Variants in CLNK observed in about 807,000 individuals in gnomAD.
CLNK encodes the protein cytokine dependent hematopoietic cell linker.
Under a neutral mutation model 68.6 loss-of-function variants are expected in CLNK, and 74 were observed. The ratio of observed to expected loss-of-function variants is 1.08; its 90% CI spans 0.89 to 1.31. The LOEUF is 1.31. Among genes scored for constraint, CLNK ranks in the 50% most tolerant of loss-of-function variants. The pLI, the probability that CLNK is intolerant of heterozygous loss-of-function variation, is 0.00. For missense variants in CLNK, 553 were observed against 515.3 expected, an observed-to-expected ratio of 1.07 and a Z score of -0.71; for synonymous variants, 198 against 172.2, an observed-to-expected ratio of 1.15 and a Z score of -1.17.
intron 2 of CLNK, among the ~76,000 whole-genome samples, chr4:10,659,531 T>C (rs1724111976): frequency 6.6e-6 from 1 of 152,246 alleles, no homozygotes; most frequent in South Asian, 2.1e-4. Flanking sequence ...CTCCCCAGTA[T>C]GGGAGACAGA....
At chr4:10,614,037 C>A (rs188761172) in intron 2 of CLNK, among the ~76,000 whole-genome samples, 1 of 152,200 alleles carries the variant, frequency 6.6e-6, no homozygotes, top group African/African-American at 2.4e-5. Context: ...AGAGCAACAT[C>A]GGACTCATAG....
At chr4:10,510,534 G>A (rs1035823166) in intron 16 of CLNK, among the ~76,000 whole-genome samples, 5 of 152,186 alleles carry the variant, frequency 3.3e-5, no homozygotes, top group Admixed American at 2.0e-4. Context: ...CTCTGCCAGG[G>A]CACTGTTAAC....
intron 14 of CLNK, among the ~76,000 whole-genome samples, chr4:10,521,464 G>T (rs1161663694): frequency 6.6e-6 from 1 of 152,102 alleles, no homozygotes; most frequent in Non-Finnish European, 1.5e-5. Flanking sequence ...TTGTATTGTG[G>T]TCAGTATCAT....
chr4:10,636,199 A>C (rs1202444684), intron 2 of CLNK, among the ~76,000 whole-genome samples: 3 of 152,230 alleles, frequency 2.0e-5, no homozygotes, highest in African/African-American at 7.2e-5. Flanking sequence ...GGGTCTTTGC[A>C]GAAGTAATTA....
chr4:10,693,903 T>C, the CLNK span, among the ~76,000 whole-genome samples: 9 of 152,144 alleles, frequency 5.9e-5, no homozygotes, highest in African/African-American at 2.2e-4. Flanking sequence ...AGATCGCAGT[T>C]TGAAACCATT....
rs143378640 is a variant in CLNK at position 10,567,279 on chromosome 4, C to T, written c.151-1129G>A. On this transcript the variant is annotated intron_variant, in intron 5 of 18. Transcript: ENST00000226951. ...ATATAATTGAGGGTCCAGAAATAAACCTTCACACTGAGGGTTAATTGATTT... is the reference window on the plus strand; with the variant it reads ...ATATAATTGAGGGTCCAGAAATAAATCTTCACACTGAGGGTTAATTGATTT... 6.2e-3 allele frequency among the ~76,000 whole-genome samples: 946 copies of T among 152,108 alleles called. 12 individuals are homozygous for T. Among genetic ancestry groups the T allele is most frequent in the African/African-American group, 0.022 (917 of 41,502 alleles).
At chr4:10,608,274 C>T (rs1167373467) in intron 2 of CLNK, among the ~76,000 whole-genome samples, 4 of 152,224 alleles carry the variant, frequency 2.6e-5, no homozygotes, top group Non-Finnish European at 5.9e-5. Flanking sequence ...GAACTTCCTG[C>T]TCAGCTGAAA....
intron 2 of CLNK, among the ~76,000 whole-genome samples, chr4:10,622,933 A>G (rs1407788062): frequency 6.6e-6 from 1 of 152,028 alleles, no homozygotes; most frequent in Non-Finnish European, 1.5e-5. Flanking sequence ...ATCCCTTACA[A>G]GGACACTAAT....
At chr4:10,614,092 G>A (rs977032157) in intron 2 of CLNK, among the ~76,000 whole-genome samples, 1 of 152,190 alleles carries the variant, frequency 6.6e-6, no homozygotes, top group African/African-American at 2.4e-5. Flanking sequence ...CTGTAATATA[G>A]GAATTTAGAT....
At chr4:10,673,324 C>T (rs1724732480) in intron 1 of CLNK, among the ~76,000 whole-genome samples, 1 of 152,150 alleles carries the variant, frequency 6.6e-6, no homozygotes, top group African/African-American at 2.4e-5. Context: ...GGTTCTTACC[C>T]AGCTTCACCA....
At chr4:10,565,273 T>C (rs946287476) in intron 6 of CLNK, among the ~76,000 whole-genome samples, 1 of 152,238 alleles carries the variant, frequency 6.6e-6, no homozygotes, top group African/African-American at 2.4e-5. Flanking sequence ...AGATGCTCAA[T>C]GAATGCTTAC....
the CLNK span, among the ~76,000 whole-genome samples, chr4:10,717,914 A>C: frequency 6.6e-6 from 1 of 152,240 alleles, no homozygotes; most frequent in Non-Finnish European, 1.5e-5. Context: ...GAAGATTTCA[A>C]AGAGTCATCA....
chr4:10,598,934 G>A (rs922319959), intron 2 of CLNK, among the ~76,000 whole-genome samples: 1 of 152,054 alleles, frequency 6.6e-6, no homozygotes, highest in Admixed American at 6.5e-5. Flanking sequence ...TCCCTCCCAC[G>A]GGGCCCTTTC....
At chr4:10,521,465 TC>T (rs1471108896) in intron 14 of CLNK, among the ~76,000 whole-genome samples, 1 of 152,230 alleles carries the variant, frequency 6.6e-6, no homozygotes, top group Non-Finnish European at 1.5e-5. Context: ...TGTATTGTGG[TC>T]AGTATCATCA....
intron 16 of CLNK, among the ~76,000 whole-genome samples, chr4:10,511,366 T>A (rs1289694172): frequency 1.3e-5 from 2 of 152,224 alleles, no homozygotes; most frequent in Non-Finnish European, 2.9e-5. Flanking sequence ...GGCAATAATA[T>A]AATAAGATTT....
At position 10,641,029 on chromosome 4, in the gene CLNK, A is replaced by G. The variant is rs1234618799; in HGVS notation, c.11+26830T>C. On this transcript the variant is annotated intron_variant, in intron 2 of 18. Transcript: ENST00000226951. ...TGTCAGGGCTATTTTTCATGTAAAA[A>G]AATTAAAGCATTGGATCAGAATGTA... Among the ~76,000 whole-genome samples, 5 of 152,230 alleles carry G rather than the reference A, an allele frequency of 3.3e-5. No homozygotes were observed. In the South Asian group the frequency reaches 1.0e-3, roughly 32 times the overall value.
the CLNK span, among the ~76,000 whole-genome samples, chr4:10,711,243 C>A: frequency 4.6e-5 from 7 of 152,284 alleles, no homozygotes; most frequent in African/African-American, 1.7e-4. Flanking sequence ...GAATTAGGAA[C>A]AGGGAGACCT....
the CLNK span, among the ~76,000 whole-genome samples, chr4:10,715,793 C>A: frequency 7.2e-5 from 11 of 152,182 alleles, no homozygotes; most frequent in Non-Finnish European, 1.3e-4. Context: ...GTGTCCTCAG[C>A]GCACTACTTC....
chr4:10,710,282 C>T, the CLNK span, among the ~76,000 whole-genome samples: 3,857 of 152,064 alleles, frequency 0.025, 192 homozygotes, highest in African/African-American at 0.088. Context: ...GTTGGTTTTC[C>T]GTGCTTCTCA....
Sources: allele counts gnomAD v4.1 joint callset (sites outside exome capture counted in the v4.1 genomes callset), GRCh38; gene constraint gnomAD v4.1.1; transcripts MANE v1.5; gene names NCBI Gene and HGNC (gene_info 2026-07-23, HGNC 2026-07-21).